The following ABI2 variants were observed in gnomAD, a reference collection of about 807,000 sequenced individuals.
ABI2 encodes abl interactor 2, also known as abelson interactor 2.
ABI2 carries 25 observed loss-of-function variants against 59.2 expected under a neutral mutation model. The ratio of observed to expected loss-of-function variants is 0.42; its 90% CI spans 0.31 to 0.59. ABI2 has a LOEUF of 0.59. Ranked by LOEUF, ABI2 falls within the 20% of genes least tolerant of loss-of-function variation. The probability of loss-of-function intolerance (pLI) is 0.14; values close to 1 mark genes in which losing one functional copy is unlikely to be tolerated. For synonymous variants in ABI2, 213 were observed against 235.5 expected, an observed-to-expected ratio of 0.90 and a Z score of 0.87; for missense variants, 545 against 681.8, an observed-to-expected ratio of 0.80 and a Z score of 2.23.
intron 9 of ABI2, among the ~76,000 whole-genome samples, chr2:203,411,020 C>T (rs2097650578): frequency 6.6e-6 from 1 of 150,964 alleles, no homozygotes; most frequent in South Asian, 2.1e-4. Context: ...ATATATAAAA[C>T]ATACGATTAT....
intron 1 of ABI2, among the ~76,000 whole-genome samples, chr2:203,340,244 A>G (rs976565853): frequency 9.9e-5 from 15 of 152,214 alleles, no homozygotes; most frequent in African/African-American, 3.4e-4. Flanking sequence ...GGTGGGGAGA[A>G]ATGGGGAGAT....
intron 11 of ABI2, among the ~76,000 whole-genome samples, chr2:203,421,915 G>A (rs1477028871): frequency 3.6e-5 from 5 of 138,840 alleles, no homozygotes; most frequent in African/African-American, 1.4e-4. Context: ...AGTGAGCCAA[G>A]ATCACTCGCC....
chr2:203,391,723 A>G (rs2096747343), intron 5 of ABI2, among the ~76,000 whole-genome samples: 1 of 151,546 alleles, frequency 6.6e-6, no homozygotes, highest in African/African-American at 2.4e-5. Context: ...TGCGAGGCTG[A>G]GACAGGAGGA....
At chr2:203,410,125 G>C (rs1410034716) in intron 9 of ABI2, among the ~76,000 whole-genome samples, 3 of 152,142 alleles carry the variant, frequency 2.0e-5, no homozygotes, top group Non-Finnish European at 4.4e-5. Context: ...AGCTTGGCAG[G>C]TTCCCTTCTT....
chr2:203,350,899 C>T (rs1029755994), intron 1 of ABI2, among the ~76,000 whole-genome samples: 17 of 150,650 alleles, frequency 1.1e-4, no homozygotes, highest in South Asian at 2.1e-4. Flanking sequence ...TGTGCGCGCG[C>T]GCATACTTTT....
At chr2:203,362,347 C>CTTA (rs907169568) in intron 1 of ABI2, among the ~76,000 whole-genome samples, 15 of 152,058 alleles carry the variant, frequency 9.9e-5, no homozygotes, top group Admixed American at 5.2e-4. Flanking sequence ...TATTTATTTT[C>CTTA]TTTTAATAAC....
At chr2:203,367,158 A>G (rs970605240) in intron 2 of ABI2, 114 bp downstream of exon 2, 27 of 1,321,042 alleles carry the variant, frequency 2.0e-5, no homozygotes, top group Non-Finnish European at 2.4e-5. Flanking sequence ...TACGATTTGG[A>G]AAATAGCAAC....
intron 6 of ABI2, 91 bp downstream of exon 6, chr2:203,394,937 T>TA: frequency 7.1e-7 from 1 of 1,416,952 alleles, no homozygotes. Context: ...TTCCAAGCAC[T>TA]AAGTTCTTTT....
rs979154235 is a variant in ABI2, at chr2:203,430,831, T to C, written c.*3479T>C. 2.0e-5 allele frequency: 3 copies of C among 152,244 alleles called. No individual in the cohort carries two copies. Among genetic ancestry groups the C allele is most frequent in the Admixed American group, 1.3e-4 (2 of 15,286 alleles). 9.4% of individuals were successfully genotyped at this position (152,244 alleles called of 1,614,324 possible). ...GATGTCTGGACCGTACCTGTGCTCC[T>C]TGGCAGTTTATGTTGAAGATAACTA... On this transcript the variant is annotated 3_prime_UTR_variant, in exon 12 of 12. Transcript: ENST00000261018.
At chr2:203,394,679 C>T in intron 5 of ABI2, 21 bp from the exon 6 acceptor site, 1 of 1,612,262 alleles carries the variant, frequency 6.2e-7, no homozygotes, top group Non-Finnish European at 8.5e-7. Context: ...TCATACAATA[C>T]ATACGCTCTT....
chr2:203,427,108 C>CT, intron 11 of ABI2, 69 bp from the exon 12 acceptor site: 1 of 1,406,364 alleles, frequency 7.1e-7, no homozygotes, highest in South Asian at 1.3e-5. Flanking sequence ...TAGCTATTCA[C>CT]TGGCTTGGTT....
intron 1 of ABI2, among the ~76,000 whole-genome samples, chr2:203,356,499 G>T (rs974136020): frequency 6.6e-6 from 1 of 152,120 alleles, no homozygotes; most frequent in Non-Finnish European, 1.5e-5. Flanking sequence ...CTCCCGAGTA[G>T]CTGGGACTAC....
chr2:203,341,037 A>C (rs898883627), intron 1 of ABI2, among the ~76,000 whole-genome samples: 3 of 152,138 alleles, frequency 2.0e-5, no homozygotes, highest in Non-Finnish European at 4.4e-5. Context: ...CTCTGCCAGG[A>C]GTACTCTACT....
rs2153617513 is a variant in ABI2, at chr2:203,427,354, G to A, written c.*2G>A. On this transcript the variant is annotated 3_prime_UTR_variant, in exon 12 of 12. Transcript: ENST00000261018. ...TCTATCATGCATTATTCTGAGTAAAGCTCAGCAGGGCTGTGCTTGCCTCAC... is the reference window on the plus strand; with the variant it reads ...TCTATCATGCATTATTCTGAGTAAAACTCAGCAGGGCTGTGCTTGCCTCAC... The A allele has an allele frequency of 6.2e-7, 1 of 1,611,606 alleles. No individual in the cohort carries two copies. The highest frequency in any genetic ancestry group is 8.5e-7 in the Non-Finnish European group (1 of 1,178,474).
intron 1 of ABI2, among the ~76,000 whole-genome samples, chr2:203,332,084 ACAGGCGTGAGC>A (rs1347374878): frequency 6.6e-6 from 1 of 151,852 alleles, no homozygotes; most frequent in African/African-American, 2.4e-5. Flanking sequence ...TGCTAGGATT[ACAGGCGTGAGC>A]CACCGTGCCT....
At chr2:203,410,638 G>A (rs899491618) in intron 9 of ABI2, among the ~76,000 whole-genome samples, 1 of 152,176 alleles carries the variant, frequency 6.6e-6, no homozygotes, top group African/African-American at 2.4e-5. Context: ...ATGAAAAATT[G>A]TAATGACATA....
Position 203,402,631 on chromosome 2 carries a change from A to G in ABI2, c.1089A>G (p.Pro363=), listed in dbSNP as rs2097268346. Residue 363 remains proline, a synonymous_variant, in exon 9 of 12, where the codon CCA becomes CCG. Coordinates refer to ENST00000261018, the MANE Select transcript of ABI2 (RefSeq NM_001375670.1). ...GGCCTGCCTCTCGCCATACTCCCCCAACAATAGGGGGCTCGTTGCCCTATA... is the reference window on the plus strand; with the variant it reads ...GGCCTGCCTCTCGCCATACTCCCCCGACAATAGGGGGCTCGTTGCCCTATA... ...MNRPASRHTP[P]TIGGSLPYRR... is the part of the protein sequence containing the mutation. 4.4e-6 allele frequency: 7 copies of G among 1,606,640 alleles called. No homozygotes were observed. Among genetic ancestry groups the G allele is most frequent in the African/African-American group, 1.3e-5 (1 of 74,496 alleles).
intron 11 of ABI2, among the ~76,000 whole-genome samples, chr2:203,420,398 T>C (rs2098142371): frequency 8.5e-5 from 1 of 11,738 alleles, no homozygotes; most frequent in Non-Finnish European, 6.6e-4. Flanking sequence ...GACAGTCCCT[T>C]TTTTTTTTTT....
intron 4 of ABI2, among the ~76,000 whole-genome samples, chr2:203,387,872 C>G (rs1265168619): frequency 6.6e-6 from 1 of 152,116 alleles, no homozygotes; most frequent in African/African-American, 2.4e-5. Context: ...CGTTAAGTTC[C>G]TCTCCATCAG....
Sources: gnomAD v4.1 joint callset for allele counts (sites outside exome capture counted in the v4.1 genomes callset) on GRCh38, gnomAD v4.1.1 for gene constraint, MANE v1.5 for transcripts, NCBI Gene and HGNC (gene_info 2026-07-23, HGNC 2026-07-21) for gene names.